HTT: variants seen among roughly 807,000 people sequenced by gnomAD.
The protein encoded by HTT is huntington disease protein.
Under a neutral mutation model 362.3 loss-of-function variants are expected in HTT, and 104 were observed. The ratio of observed to expected loss-of-function variants is 0.29; its 90% confidence interval spans 0.24 to 0.34. The LOEUF is 0.34. Among genes scored for constraint, HTT ranks in the 10% least tolerant of loss-of-function variants. HTT has a pLI of 1.00. For synonymous variants in HTT, 1,577 were observed against 1,548.7 expected (o/e 1.02, Z -0.43); for missense variants, 3,301 against 3,928.6 (o/e 0.84, Z 4.27).
intron 44 of HTT, 78 bp from the exon 45 acceptor site, chr4:3,207,203 T>C (rs2110270186): frequency 7.6e-7 from 1 of 1,309,338 alleles, no homozygotes; most frequent in Non-Finnish European, 1.1e-6. Context: ...ACACATCAGT[T>C]CATCCTTTTT....
At chr4:3,145,351 T>A in intron 24 of HTT, 123 bp downstream of exon 24, 1 of 712,628 alleles carries the variant, frequency 1.4e-6, no homozygotes, top group Non-Finnish European at 2.5e-6. Context: ...TGGAAAAATA[T>A]CTGATGGAAT....
chr4:3,182,030 T>C (rs1281074877), intron 36 of HTT, among the ~76,000 whole-genome samples: 1 of 152,244 alleles, frequency 6.6e-6, no homozygotes, highest in Non-Finnish European at 1.5e-5. Flanking sequence ...CAAAGATTAA[T>C]ATACATTTGA....
At chr4:3,187,357 G>A (rs896229204) in intron 38 of HTT, among the ~76,000 whole-genome samples, 15 of 152,114 alleles carry the variant, frequency 9.9e-5, no homozygotes, top group East Asian at 3.9e-4. Flanking sequence ...GGGTTTCACT[G>A]TGTTAGCCAG....
At chr4:3,161,186 C>T (rs190490888) in intron 29 of HTT, among the ~76,000 whole-genome samples, 1 of 152,228 alleles carries the variant, frequency 6.6e-6, no homozygotes, top group East Asian at 1.9e-4. Flanking sequence ...GTTTTCTGAT[C>T]TTGTGATAGT....
At chr4:3,163,773 T>C (rs1476017996) in intron 29 of HTT, among the ~76,000 whole-genome samples, 1 of 152,154 alleles carries the variant, frequency 6.6e-6, no homozygotes, top group Middle Eastern at 3.2e-3. Flanking sequence ...TGATATCCCC[T>C]TTATCGTTTT....
chr4:3,175,950 G>A lies in HTT; in HGVS notation c.4407+843G>A, dbSNP rs532626109. On this transcript the variant is annotated intron_variant, in intron 33 of 66. Transcript: ENST00000355072. ...GGTCTGTTTCCCTAGGAGAACTGAG[G>A]GCACTCGGTCAACACTGATTTTCCA... Among the ~76,000 whole-genome samples the A allele has an allele frequency of 1.2e-3, 190 of 152,122 alleles. 1 individual carries two copies. The highest frequency in any genetic ancestry group is 3.4e-3 in the Middle Eastern group (1 of 290).
intron 6 of HTT, among the ~76,000 whole-genome samples, chr4:3,110,355 T>A (rs1022020008): frequency 6.6e-6 from 1 of 152,220 alleles, no homozygotes; most frequent in Non-Finnish European, 1.5e-5. Context: ...GTTTACTGAA[T>A]CAGTTTTTCC....
intron 9 of HTT, chr4:3,121,748 C>T: frequency 4.6e-6 from 1 of 216,542 alleles, no homozygotes; most frequent in Non-Finnish European, 9.3e-6. Flanking sequence ...TGCCTGTAGT[C>T]CCAGCTGCTT....
At chr4:3,121,011 T>A (rs1715273131) in intron 8 of HTT, among the ~76,000 whole-genome samples, 1 of 152,206 alleles carries the variant, frequency 6.6e-6, no homozygotes. Flanking sequence ...AGTGCTCCAT[T>A]TATTTTTAAG....
At chr4:3,215,813 A>G (rs1430256334) in intron 51 of HTT, among the ~76,000 whole-genome samples, 2 of 151,972 alleles carry the variant, frequency 1.3e-5, no homozygotes, top group Non-Finnish European at 2.9e-5. Flanking sequence ...TAGAGTAGGT[A>G]TTTTACTAGG....
In HTT at chr4:3,129,927, T is replaced by C. The variant is rs1715721453; in HGVS notation, c.1747T>C (p.Leu583=). Residue 583 remains leucine, a synonymous_variant, in exon 13 of 67, where the codon TTA becomes CTA. Coordinates refer to ENST00000355072, the MANE Select transcript of HTT (RefSeq NM_001388492.1). Reference sequence around the variant, plus strand: ...CAGCCCCCCTTGAACCGTTTAGGTGTTAGACGGTACCGACAACCAGTATTT... The same window carrying C: ...CAGCCCCCCTTGAACCGTTTAGGTGCTAGACGGTACCGACAACCAGTATTT... The part of the protein sequence containing the change: ...VTPSDSSEIV[L]DGTDNQYLGL... 1 of 1,613,908 alleles carries C rather than the reference T, an allele frequency of 6.2e-7. No individual in the cohort carries two copies. The highest frequency in any genetic ancestry group is 1.1e-5 in the South Asian group (1 of 91,084).
intron 56 of HTT, 77 bp downstream of exon 56, chr4:3,224,208 A>G: frequency 6.8e-7 from 1 of 1,468,250 alleles, no homozygotes; most frequent in South Asian, 1.2e-5. Flanking sequence ...TCACCACACC[A>G]GTGATGCGGG....
At chr4:3,156,091 G>C (rs1376142291) in intron 27 of HTT, among the ~76,000 whole-genome samples, 2 of 152,050 alleles carry the variant, frequency 1.3e-5, no homozygotes, top group African/African-American at 4.8e-5. Context: ...CATTCCTCCT[G>C]TCTATAAATG....
chr4:3,079,068 G>A (rs1712740739), intron 1 of HTT, among the ~76,000 whole-genome samples: 1 of 151,664 alleles, frequency 6.6e-6, no homozygotes, highest in Non-Finnish European at 1.5e-5. Context: ...GGTAATTTTT[G>A]TATTTTTAGT....
chr4:3,133,220 AC>A (rs1240595845), intron 18 of HTT, among the ~76,000 whole-genome samples: 1 of 151,932 alleles, frequency 6.6e-6, no homozygotes, highest in Non-Finnish European at 1.5e-5. Context: ...ACGGTGACTC[AC>A]ACCTGTAATC....
chr4:3,104,564 C>T (rs1409899126), intron 4 of HTT, among the ~76,000 whole-genome samples: 3 of 151,984 alleles, frequency 2.0e-5, no homozygotes, highest in East Asian at 2.0e-4. Context: ...GCCGAGATCA[C>T]GCCACTGCAT....
chr4:3,230,626 C>G (rs566940937), intron 60 of HTT, among the ~76,000 whole-genome samples: 2 of 152,322 alleles, frequency 1.3e-5, no homozygotes, highest in East Asian at 3.9e-4. Context: ...TGGAAATTTA[C>G]TTCTCACCGT....
intron 1 of HTT, among the ~76,000 whole-genome samples, chr4:3,085,459 G>A (rs1221713512): frequency 6.6e-6 from 1 of 152,094 alleles, no homozygotes; most frequent in Non-Finnish European, 1.5e-5. Flanking sequence ...AAGGTGAAGT[G>A]AAAGTGACTA....
At chr4:3,215,619 T>C (rs1375040888) in intron 51 of HTT, among the ~76,000 whole-genome samples, 1 of 151,926 alleles carries the variant, frequency 6.6e-6, no homozygotes, top group Non-Finnish European at 1.5e-5. Context: ...AATGAATAAA[T>C]AAATGTTTCC....
Sources: allele counts gnomAD v4.1 joint callset (sites outside exome capture counted in the v4.1 genomes callset), GRCh38; gene constraint gnomAD v4.1.1; transcripts MANE v1.5; gene names NCBI Gene and HGNC (gene_info 2026-07-23, HGNC 2026-07-21).